TRIM25: variants seen among roughly 807,000 people sequenced by gnomAD.
The protein encoded by TRIM25 is tripartite motif containing 25.
In TRIM25, 45 loss-of-function variants were observed where a neutral mutation model predicts 65.2. That is an observed-to-expected ratio of 0.69 (90% CI 0.54 to 0.89). The LOEUF (loss-of-function observed/expected upper bound fraction) is 0.89. Ranked by LOEUF, TRIM25 falls within the 40% of genes least tolerant of loss-of-function variation. The pLI is 0.00. For missense variants in TRIM25, 714 were observed against 803.7 expected, an observed-to-expected ratio of 0.89 and a Z score of 1.35; for synonymous variants, 321 against 340.4, an observed-to-expected ratio of 0.94 and a Z score of 0.63.
chr17:56,890,483 G>C lies in TRIM25; in HGVS notation c.*1217C>G. Reference sequence around the variant, plus strand: ...CAGGCTCTGACTCACGCAAGGGCCAGTGCTGGGTCTGCAGCCTGTGGCCAG... The same window carrying C: ...CAGGCTCTGACTCACGCAAGGGCCACTGCTGGGTCTGCAGCCTGTGGCCAG... On this transcript the variant is annotated 3_prime_UTR_variant, in exon 9 of 9. Coordinates refer to ENST00000316881, the MANE Select transcript of TRIM25 (RefSeq NM_005082.5). 1 of 417,308 alleles carries C rather than the reference G, an allele frequency of 2.4e-6. No individual in the cohort carries two copies. The allele number at this position is 417,308 out of a possible 1,614,324, so 25.9% of individuals were successfully genotyped here.
At position 56,913,820 on chromosome 17, in the gene TRIM25, A is replaced by G; in HGVS notation, c.169T>C (p.Tyr57His). 6.4e-7 allele frequency: 1 copy of G among 1,563,684 alleles called. No homozygotes were observed. The highest frequency in any genetic ancestry group is 8.7e-7 in the Non-Finnish European group (1 of 1,154,200). The change falls in exon 1 of 9, where the codon TAC becomes CAC. Residue 57 changes from tyrosine (Y) to histidine (H), a missense_variant. By Grantham distance (83) the Tyr-to-His change is moderately conservative. Coordinates refer to ENST00000316881, the MANE Select transcript of TRIM25 (RefSeq NM_005082.5). This position sits in a 1 kb window ranked among gnomAD's most constrained non-coding sequence, Gnocchi z 6.1. ...TTGTGCAGCTGCGGTCGCGCCTGGT[A>G]GACGGCGCGGCACTGCGGGCACAGG... ...PYLCPQCRAVYQARPQLHKNT... is the reference protein window; with the variant it reads ...PYLCPQCRAVHQARPQLHKNT...
chr17:56,909,178 A>C (rs1361397856), intron 1 of TRIM25, among the ~76,000 whole-genome samples: 1 of 151,884 alleles, frequency 6.6e-6, no homozygotes, highest in African/African-American at 2.4e-5. Flanking sequence ...AAGATGCTGG[A>C]GAGCCAATCA....
chr17:56,907,157 GA>G (rs1315270513), intron 2 of TRIM25, among the ~76,000 whole-genome samples: 1 of 152,240 alleles, frequency 6.6e-6, no homozygotes, highest in Non-Finnish European at 1.5e-5. Flanking sequence ...AGGGTAATAA[GA>G]AGGGAGAACC....
chr17:56,904,368 T>C lies in TRIM25; in HGVS notation c.814A>G (p.Ser272Gly). The change falls in exon 3 of 9, where the codon AGC becomes GGC. Residue 272 changes from serine to glycine, a missense_variant. Ser to Gly is a moderately conservative substitution (Grantham distance 56, BLOSUM62 0). Around this residue, in one of 3 missense-constraint regions of TRIM25, gnomAD observed 413 missense variants for 498.2 expected, o/e 0.83. Coordinates refer to ENST00000316881, the MANE Select transcript of TRIM25 (RefSeq NM_005082.5). ...KIKEEEKRVN[S>G]KFDTIYQILL... ...ATCTGATAAATGGTGTCAAACTTGC[T>C]GTTGACCCTCTTCTCCTCTTCCTTT... The C allele has an allele frequency of 3.7e-6, 6 of 1,614,182 alleles. No individual in the cohort carries two copies. The highest frequency in any genetic ancestry group is 5.1e-6 in the Non-Finnish European group (6 of 1,180,024).
At chr17:56,910,927 A>AG (rs1225168409) in intron 1 of TRIM25, among the ~76,000 whole-genome samples, 1 of 152,202 alleles carries the variant, frequency 6.6e-6, no homozygotes, top group Non-Finnish European at 1.5e-5. Context: ...AAGTCAGGAC[A>AG]GGGGGGTAGG....
chr17:56,894,542 A>G (rs1270437645), intron 8 of TRIM25, among the ~76,000 whole-genome samples: 14 of 152,152 alleles, frequency 9.2e-5, no homozygotes, highest in East Asian at 1.9e-4. Context: ...GAGCCACCGC[A>G]CCCAGCTAGT....
rs1189957475 is a variant in TRIM25 at position 56,913,710 on chromosome 17, G to A, written c.279C>T (p.Pro93=). Residue 93 remains proline (P), a synonymous_variant, in exon 1 of 9, where the codon CCC becomes CCT. Transcript: ENST00000316881. This position sits in a 1 kb window ranked among gnomAD's most constrained non-coding sequence, Gnocchi z 6.1. The part of the protein sequence containing the change: ...REPPADVWTP[P]ARASAPSPNA... ...TCGGGCTGGGTGCAGAGGCGCGGGC[G>A]GGCGGCGTCCAGACGTCGGCGGGTG... 1.3e-6 allele frequency: 2 copies of A among 1,570,440 alleles called. No individual in the cohort carries two copies. The highest frequency in any genetic ancestry group is 1.4e-5 in the African/African-American group (1 of 73,970).
intron 4 of TRIM25, 47 bp from the exon 5 acceptor site, chr17:56,899,227 C>A: frequency 6.2e-7 from 1 of 1,604,410 alleles, no homozygotes. Flanking sequence ...CTCTCACTGA[C>A]CCTAGCAGCC....
At chr17:56,899,031 G>T in intron 5 of TRIM25, 84 bp downstream of exon 5, 1 of 1,517,416 alleles carries the variant, frequency 6.6e-7, no homozygotes, top group South Asian at 1.1e-5. Flanking sequence ...ACAGTGACTC[G>T]GGATGGGCCG....
intron 5 of TRIM25, 61 bp from the exon 6 acceptor site, chr17:56,896,013 A>C: frequency 1.3e-6 from 2 of 1,524,814 alleles, no homozygotes; most frequent in East Asian, 2.3e-5. Context: ...ACATTTTCAA[A>C]ATAATAACAT....
At chr17:56,909,340 A>G (rs1209728229) in intron 1 of TRIM25, among the ~76,000 whole-genome samples, 1 of 152,150 alleles carries the variant, frequency 6.6e-6, no homozygotes, top group Non-Finnish European at 1.5e-5. Flanking sequence ...GGAGACAGAA[A>G]TCAGAGTCCA....
chr17:56,897,837 T>G (rs1909323720), intron 5 of TRIM25, among the ~76,000 whole-genome samples: 1 of 152,070 alleles, frequency 6.6e-6, no homozygotes, highest in African/African-American at 2.4e-5. Context: ...CCTCTTTCAC[T>G]CCTCTTTTCA....
At chr17:56,895,208 G>A in intron 8 of TRIM25, 135 bp downstream of exon 8, 2 of 649,294 alleles carry the variant, frequency 3.1e-6, no homozygotes, top group East Asian at 2.8e-5. Flanking sequence ...GAGAAAATAA[G>A]GGAGCAACAA....
Position 56,888,925 on chromosome 17 carries a change from A to C in TRIM25, c.*2775T>G, listed in dbSNP as rs1321869542. 1.3e-5 allele frequency: 2 copies of C among 152,224 alleles called. No homozygotes were observed. The highest frequency in any genetic ancestry group is 3.8e-4 in the East Asian group (2 of 5,202). The allele number at this position is 152,224 out of a possible 1,614,324, so 9.4% of individuals were successfully genotyped here. On this transcript the variant is annotated 3_prime_UTR_variant, in exon 9 of 9. Coordinates refer to ENST00000316881, the MANE Select transcript of TRIM25 (RefSeq NM_005082.5). Reference sequence around the variant, plus strand: ...CCGCACTACAATGCAGGAGAACGCCAAACACCGCTTTATTGCATTCAAACC... The same window carrying C: ...CCGCACTACAATGCAGGAGAACGCCCAACACCGCTTTATTGCATTCAAACC...
chr17:56,893,767 T>G (rs1232432663), intron 8 of TRIM25, among the ~76,000 whole-genome samples: 1 of 151,918 alleles, frequency 6.6e-6, no homozygotes, highest in Non-Finnish European at 1.5e-5. Context: ...CCCAGGGGGG[T>G]ATAGCAGCTC....
Position 56,891,699 on chromosome 17 carries a change from C to T in TRIM25, c.*1G>A. On this transcript the variant is annotated 3_prime_UTR_variant, in exon 9 of 9. Coordinates refer to ENST00000316881, the MANE Select transcript of TRIM25 (RefSeq NM_005082.5). The stretch of plus-strand genomic sequence containing the variant: ...AGTCAGCCCAAGTGCCTACAGCCTG[C>T]CTACTTGGGGGAGCAGATGGAGAGT... 5 of 1,609,960 alleles carry T rather than the reference C, an allele frequency of 3.1e-6. No individual in the cohort carries two copies. The highest frequency in any genetic ancestry group is 4.2e-6 in the Non-Finnish European group (5 of 1,177,252).
intron 8 of TRIM25, among the ~76,000 whole-genome samples, 159 bp downstream of exon 8, chr17:56,895,184 G>A (rs1183706465): frequency 6.6e-6 from 1 of 152,212 alleles, no homozygotes; most frequent in East Asian, 1.9e-4. Flanking sequence ...GTAAAGAAAG[G>A]CACTGATGAC....
Position 56,891,401 on chromosome 17 carries a change from C to T in TRIM25, c.*299G>A, listed in dbSNP as rs1051960257. The T allele has an allele frequency of 9.4e-6, 4 of 425,296 alleles. No individual in the cohort carries two copies. Among genetic ancestry groups the T allele is most frequent in the Non-Finnish European group, 1.7e-5 (4 of 231,522 alleles). 26.3% of individuals were successfully genotyped at this position (425,296 alleles called of 1,614,324 possible). A position where few individuals can be genotyped will look rare whatever the true frequency, so the allele number is the denominator to read the frequency against. On this transcript the variant is annotated 3_prime_UTR_variant, in exon 9 of 9. Coordinates refer to ENST00000316881, the MANE Select transcript of TRIM25 (RefSeq NM_005082.5). ...TCTAAGAGGAATCGGGCACTCATGA[C>T]TTCACTTCCCAGAGCTCTGCCCAGC...
intron 2 of TRIM25, among the ~76,000 whole-genome samples, chr17:56,907,576 C>T (rs1302893875): frequency 2.6e-5 from 4 of 152,158 alleles, no homozygotes; most frequent in East Asian, 1.9e-4. Flanking sequence ...GCAATTTAAA[C>T]GTATCGAAAA....
Sources: allele counts gnomAD v4.1 joint callset (sites outside exome capture counted in the v4.1 genomes callset), GRCh38; gene constraint gnomAD v4.1.1; regional missense constraint gnomAD v4.1.1; non-coding constraint Gnocchi (gnomAD v3.1); transcripts MANE v1.5; gene names NCBI Gene and HGNC (gene_info 2026-07-23, HGNC 2026-07-21).